The following ATP5MC1 variants were observed in gnomAD, a reference collection of about 807,000 sequenced individuals.
The protein encoded by ATP5MC1 is ATP synthase F(0) complex subunit C1, mitochondrial.
A neutral mutation model predicts 12.1 loss-of-function variants in ATP5MC1; 4 were observed. The observed-to-expected ratio is 0.33, with a 90% CI of 0.16 to 0.76. ATP5MC1 has a LOEUF of 0.76. Ranked by LOEUF, ATP5MC1 falls within the 30% of genes least tolerant of loss-of-function variation. The pLI is 0.61. For missense variants in ATP5MC1, 117 were observed against 172.1 expected, an observed-to-expected ratio of 0.68 and a Z score of 1.79; for synonymous variants, 52 against 66.0, an observed-to-expected ratio of 0.79 and a Z score of 1.03.
At chr17:48,894,681 A>C in intron 3 of ATP5MC1, 2 of 518,590 alleles carry the variant, frequency 3.9e-6, no homozygotes, top group South Asian at 4.0e-5. Flanking sequence ...AGATGAGAGG[A>C]TTGGTTAATC....
chr17:48,893,078 C>T, intron 1 of ATP5MC1, 168 bp downstream of exon 1: 1 of 347,606 alleles, frequency 2.9e-6, no homozygotes, highest in Non-Finnish European at 5.3e-6. Flanking sequence ...TGGGGCGGGT[C>T]GGGGACTGCT....
At chr17:48,894,036 T>C in intron 2 of ATP5MC1, 1 of 252,492 alleles carries the variant, frequency 4.0e-6, no homozygotes, top group Non-Finnish European at 7.7e-6. Flanking sequence ...ATTTCCCCCA[T>C]CTGATTACTT....
intron 1 of ATP5MC1, chr17:48,893,112 G>T: frequency 2.4e-6 from 1 of 420,206 alleles, no homozygotes. Context: ...AGGATCCTGC[G>T]CGACACCTGC....
intron 1 of ATP5MC1, 66 bp from the exon 2 acceptor site, chr17:48,893,343 C>T (rs561603977): frequency 1.3e-6 from 2 of 1,551,946 alleles, no homozygotes; most frequent in African/African-American, 1.4e-5. Flanking sequence ...GACCAAAGGT[C>T]GTCATTATAA....
At chr17:48,894,571 C>G in intron 3 of ATP5MC1, 122 bp downstream of exon 3, 4 of 958,016 alleles carry the variant, frequency 4.2e-6, no homozygotes, top group Non-Finnish European at 6.5e-6. Flanking sequence ...TGTTCAAGAC[C>G]AGCCTGGGCA....
intron 3 of ATP5MC1, 84 bp from the exon 4 acceptor site, chr17:48,895,072 T>TG: frequency 4.0e-6 from 6 of 1,498,626 alleles, no homozygotes; most frequent in Non-Finnish European, 5.5e-6. Context: ...CTCAGGTGGG[T>TG]GGGGTGAAGG....
At position 48,892,889 on chromosome 17, in the gene ATP5MC1, T is replaced by G; in HGVS notation, c.-31T>G. 1 of 155,806 alleles carries G rather than the reference T, an allele frequency of 6.4e-6. No individual in the cohort carries two copies. Among genetic ancestry groups the G allele is most frequent in the Non-Finnish European group, 1.4e-5 (1 of 70,234 alleles). 9.7% of individuals were successfully genotyped at this position (155,806 alleles called of 1,614,324 possible). Reference sequence around the variant, plus strand: ...GCGAGCGCTGTGGGCCAAGCAGGGGTTGCAGGGTAGTAGGAGTGCAGGTGA... The same window carrying G: ...GCGAGCGCTGTGGGCCAAGCAGGGGGTGCAGGGTAGTAGGAGTGCAGGTGA... On this transcript the variant is annotated 5_prime_UTR_variant, in exon 1 of 5. Transcript: ENST00000393366.
chr17:48,895,540 G>A, intron 4 of ATP5MC1, 115 bp from the exon 5 acceptor site: 1 of 1,298,766 alleles, frequency 7.7e-7, no homozygotes, highest in South Asian at 1.2e-5. Flanking sequence ...CAGGATCTGT[G>A]CAGGCTAGGC....
At chr17:48,893,341 G>A (rs541725436) in intron 1 of ATP5MC1, 68 bp from the exon 2 acceptor site, 1 of 1,550,768 alleles carries the variant, frequency 6.4e-7, no homozygotes, top group African/African-American at 1.4e-5. Flanking sequence ...ACGACCAAAG[G>A]TCGTCATTAT....
At chr17:48,894,744 G>A in intron 3 of ATP5MC1, 2 of 527,790 alleles carry the variant, frequency 3.8e-6, no homozygotes, top group South Asian at 3.3e-5. Context: ...CTGGGTGACA[G>A]AGCAAGACCC....
chr17:48,894,825 T>G (rs1469063043), intron 3 of ATP5MC1: 1 of 542,162 alleles, frequency 1.8e-6, no homozygotes, highest in African/African-American at 1.9e-5. Flanking sequence ...TCCTTCAGCT[T>G]AAGTTGCCTT....
chr17:48,893,360 A>C (rs1279898167), intron 1 of ATP5MC1, 49 bp from the exon 2 acceptor site: 1 of 1,599,474 alleles, frequency 6.3e-7, no homozygotes, highest in Non-Finnish European at 8.5e-7. Context: ...ATAAGCAAAC[A>C]ACCAGGGTCT....
chr17:48,894,947 T>C, intron 3 of ATP5MC1: 6 of 693,066 alleles, frequency 8.7e-6, no homozygotes, highest in Non-Finnish European at 1.6e-5. Context: ...GCCTAACCCA[T>C]GAAATTTCCC....
intron 2 of ATP5MC1, 104 bp downstream of exon 2, chr17:48,893,560 G>A (rs79606429): frequency 6.9e-6 from 9 of 1,298,374 alleles, no homozygotes; most frequent in East Asian, 2.4e-5. Context: ...TGATGATGTA[G>A]GCTCTTTGAG....
At chr17:48,894,254 C>A in intron 2 of ATP5MC1, 118 bp from the exon 3 acceptor site, 2 of 981,064 alleles carry the variant, frequency 2.0e-6, no homozygotes, top group South Asian at 1.4e-5. Context: ...AATAAATTGA[C>A]CTTGAAATAC....
intron 2 of ATP5MC1, 128 bp from the exon 3 acceptor site, chr17:48,894,244 A>G (rs966810575): frequency 2.2e-6 from 2 of 906,980 alleles, no homozygotes; most frequent in Non-Finnish European, 3.5e-6. Flanking sequence ...TAGGAACAGG[A>G]ATAAATTGAC....
chr17:48,894,966 T>G, intron 3 of ATP5MC1, 190 bp from the exon 4 acceptor site: 1 of 733,472 alleles, frequency 1.4e-6, no homozygotes, highest in Non-Finnish European at 2.4e-6. Context: ...CCTAGTCCTG[T>G]CTGCTGTCTG....
Position 48,894,989 on chromosome 17 carries a change from A to G in ATP5MC1, c.118-167A>G, listed in dbSNP as rs76891554. 9.0e-4 allele frequency: 734 copies of G among 813,438 alleles called. 14 individuals carry two copies. The East Asian group carries it at 0.02, about 22-fold the overall frequency. The allele number at this position is 813,438 out of a possible 1,614,324, so 50.4% of individuals were successfully genotyped here. ...TGTCTGCTGTCTGACAACAGACTCT[A>G]AGACTAATTCCCAGCATACTCTGCA... On this transcript the variant is annotated intron_variant, in intron 3 of 4. Coordinates refer to ENST00000393366, the MANE Select transcript of ATP5MC1 (RefSeq NM_005175.3).
intron 2 of ATP5MC1, 152 bp downstream of exon 2, chr17:48,893,608 C>G: frequency 2.3e-6 from 2 of 867,552 alleles, no homozygotes; most frequent in Non-Finnish European, 3.7e-6. Flanking sequence ...CCCTGTTTAT[C>G]TGGGCCTGTG....
Sources: allele counts gnomAD v4.1 joint callset, GRCh38; gene constraint gnomAD v4.1.1; transcripts MANE v1.5; gene names NCBI Gene and HGNC (gene_info 2026-07-23, HGNC 2026-07-21).